Variants in PLXDC1 observed in about 807,000 individuals in gnomAD.
PLXDC1 encodes the protein plexin domain-containing protein 1.
PLXDC1 carries 39 observed loss-of-function variants against 61.3 expected under a neutral mutation model. The observed-to-expected ratio is 0.64, with a 90% confidence interval of 0.49 to 0.83. The LOEUF (loss-of-function observed/expected upper bound fraction) is 0.83, where lower values mean the gene tolerates loss of function less well. Ranked by LOEUF, PLXDC1 falls within the 40% of genes least tolerant of loss-of-function variation. The pLI is 0.00. For missense variants in PLXDC1, 596 were observed against 666.5 expected, an observed-to-expected ratio of 0.89 and a Z score of 1.17; for synonymous variants, 212 against 254.5, an observed-to-expected ratio of 0.83 and a Z score of 1.59.
At chr17:39,147,526 C>T (rs2045350014) in intron 1 of PLXDC1, among the ~76,000 whole-genome samples, 1 of 152,186 alleles carries the variant, frequency 6.6e-6, no homozygotes, top group Non-Finnish European at 1.5e-5. Flanking sequence ...TGAAATCCTG[C>T]CTCCAAGTTA....
chr17:39,090,589 C>T (rs1909910795), intron 7 of PLXDC1, among the ~76,000 whole-genome samples: 2 of 152,170 alleles, frequency 1.3e-5, no homozygotes, highest in Non-Finnish European at 2.9e-5. Flanking sequence ...ACAAGGGACT[C>T]AGTGAGCCGC....
rs1748209789 is a variant in PLXDC1 at position 39,151,365 on chromosome 17, C to T, written c.73G>A (p.Ala25Thr). 2 of 1,289,998 alleles carry T rather than the reference C, an allele frequency of 1.6e-6. No homozygotes were observed. The highest frequency in any genetic ancestry group is 8.1e-5 in the Admixed American group (2 of 24,674). The allele number at this position is 1,289,998 out of a possible 1,614,324, so 79.9% of individuals were successfully genotyped here. A position where few individuals can be genotyped will look rare whatever the true frequency, so the allele number is the denominator to read the frequency against. The change falls in exon 1 of 14, where the codon GCA (alanine) becomes ACA (threonine). Residue 25 changes from alanine (A) to threonine (T), a missense_variant. By Grantham distance (58) the Ala-to-Thr change is moderately conservative (BLOSUM62 0). Coordinates refer to ENST00000315392, the MANE Select transcript of PLXDC1 (RefSeq NM_020405.5). This position sits in a 1 kb window ranked among gnomAD's most constrained non-coding sequence, Gnocchi z 5.2. ...GGCCGGCTCCCGCCAGTCCTACCTG[C>T]TCCGGGCTGGGGGCTCAGCGCCCGG... Reference protein sequence around the residue: ...AARALSPQPGAGHDEGPGSGW... With the variant: ...AARALSPQPGTGHDEGPGSGW...
intron 2 of PLXDC1, among the ~76,000 whole-genome samples, chr17:39,130,289 C>T (rs1213215799): frequency 6.6e-6 from 1 of 152,008 alleles, no homozygotes; most frequent in African/African-American, 2.4e-5. Flanking sequence ...CTTGTCTCTA[C>T]AAAAAATTTA....
chr17:39,087,611 C>T lies in PLXDC1; in HGVS notation c.903G>A (p.Leu301=), dbSNP rs1287888896. ...GGCGGAATGACCCCTACTCACTCGG[C>T]AATGGGGTGAACTCCACGGCCGACA... ...TSMSAVEFTP[L]PTCLQHRSCD... is the part of the protein sequence containing the mutation. The change falls in exon 8 of 14, where the codon TTG becomes TTA. Residue 301 remains leucine (L), a synonymous_variant. Transcript: ENST00000315392. 2.5e-6 allele frequency: 4 copies of T among 1,612,632 alleles called. No homozygotes were observed. The highest frequency in any genetic ancestry group is 3.4e-6 in the Non-Finnish European group (4 of 1,178,784).
At chr17:39,131,070 A>G (rs1482282840) in intron 2 of PLXDC1, among the ~76,000 whole-genome samples, 1 of 152,146 alleles carries the variant, frequency 6.6e-6, no homozygotes, top group African/African-American at 2.4e-5. Flanking sequence ...ACCAAGAACC[A>G]TCATGGGCCT....
At chr17:39,128,111 A>ATATATATATATATATATATATATG (rs1444960892) in intron 2 of PLXDC1, among the ~76,000 whole-genome samples, 6 of 104,656 alleles carry the variant, frequency 5.7e-5, no homozygotes, top group Non-Finnish European at 9.5e-5. Flanking sequence ...ATATATATAT[A>ATATATATATATATATATATATATG]TATGTATATA....
intron 2 of PLXDC1, among the ~76,000 whole-genome samples, chr17:39,138,641 T>C (rs910500383): frequency 1.3e-5 from 2 of 151,294 alleles, no homozygotes; most frequent in Admixed American, 6.6e-5. Flanking sequence ...CAGAGCCTTC[T>C]GAGAAAGGGA....
intron 7 of PLXDC1, among the ~76,000 whole-genome samples, chr17:39,098,597 C>T (rs779923081): frequency 2.0e-5 from 3 of 152,080 alleles, no homozygotes; most frequent in East Asian, 1.9e-4. Context: ...CATTTGTTCT[C>T]GCCACCACTA....
At chr17:39,087,075 TC>T (rs1909769820) in intron 8 of PLXDC1, among the ~76,000 whole-genome samples, 1 of 152,118 alleles carries the variant, frequency 6.6e-6, no homozygotes, top group African/African-American at 2.4e-5. Context: ...TCCTGTGGGC[TC>T]CACAACAGCA....
intron 7 of PLXDC1, among the ~76,000 whole-genome samples, chr17:39,093,766 T>A (rs1372326640): frequency 6.6e-6 from 1 of 151,894 alleles, no homozygotes; most frequent in Non-Finnish European, 1.5e-5. Context: ...AAAGATGGAA[T>A]GACTGTGTGT....
At chr17:39,133,980 A>G (rs911353288) in intron 2 of PLXDC1, among the ~76,000 whole-genome samples, 1 of 150,226 alleles carries the variant, frequency 6.7e-6, no homozygotes, top group Non-Finnish European at 1.5e-5. Flanking sequence ...AAAATAGGCC[A>G]GGTGCAGTGG....
At chr17:39,130,612 T>G (rs1310501310) in intron 2 of PLXDC1, among the ~76,000 whole-genome samples, 3 of 152,166 alleles carry the variant, frequency 2.0e-5, no homozygotes, top group East Asian at 1.9e-4. Context: ...TCGCCCAGGC[T>G]GGAGTGCAGT....
intron 13 of PLXDC1, 21 bp downstream of exon 13, chr17:39,069,835 G>A: frequency 6.2e-7 from 1 of 1,605,688 alleles, no homozygotes; most frequent in South Asian, 1.1e-5. Flanking sequence ...CAGGAGCCCT[G>A]TGGCCACAGA....
intron 2 of PLXDC1, chr17:39,112,910 A>G (rs113397628): frequency 1.8e-4 from 27 of 152,168 alleles, no homozygotes; most frequent in African/African-American, 6.0e-4. Flanking sequence ...ATCCTTTTGC[A>G]TGCTGTAGTG....
chr17:39,112,453 C>CT (rs1418567604), intron 2 of PLXDC1, among the ~76,000 whole-genome samples: 2 of 107,560 alleles, frequency 1.9e-5, no homozygotes, highest in Non-Finnish European at 3.8e-5. Context: ...CTTTTTTTTT[C>CT]TTTCTTTTTT....
At chr17:39,141,622 C>A (rs1235631946) in intron 1 of PLXDC1, among the ~76,000 whole-genome samples, 1 of 152,168 alleles carries the variant, frequency 6.6e-6, no homozygotes, top group Admixed American at 6.5e-5. Flanking sequence ...CTCTTTGAGA[C>A]CTGGCCTTCA....
chr17:39,082,321 G>A (rs1909591990), intron 9 of PLXDC1, among the ~76,000 whole-genome samples: 1 of 152,204 alleles, frequency 6.6e-6, no homozygotes, highest in South Asian at 2.1e-4. Context: ...GGAAGGCCGA[G>A]ATAGATGGAT....
At chr17:39,115,355 G>A (rs993046877) in intron 2 of PLXDC1, among the ~76,000 whole-genome samples, 1 of 152,260 alleles carries the variant, frequency 6.6e-6, no homozygotes, top group Non-Finnish European at 1.5e-5. Flanking sequence ...TCAGGCCAGC[G>A]AGGGTGAGGC....
At chr17:39,128,230 T>G (rs1199532469) in intron 2 of PLXDC1, among the ~76,000 whole-genome samples, 1 of 149,822 alleles carries the variant, frequency 6.7e-6, no homozygotes, top group African/African-American at 2.5e-5. Flanking sequence ...TATATATATT[T>G]TTTTGAGACA....
Sources: allele counts gnomAD v4.1 joint callset (sites outside exome capture counted in the v4.1 genomes callset), GRCh38; gene constraint gnomAD v4.1.1; non-coding constraint Gnocchi (gnomAD v3.1); transcripts MANE v1.5; gene names NCBI Gene and HGNC (gene_info 2026-07-23, HGNC 2026-07-21).